The following SLC25A48 variants were observed in gnomAD, a reference collection of about 807,000 sequenced individuals.
SLC25A48 encodes the protein CTC-321K16.1.
A neutral mutation model predicts 32.2 loss-of-function variants in SLC25A48; 29 were observed. That is an observed-to-expected ratio of 0.90 (90% confidence interval 0.67 to 1.23). SLC25A48 has a LOEUF of 1.23. SLC25A48 is among the 50% of genes most tolerant of loss of function. The pLI is 0.00. For missense variants in SLC25A48, 399 were observed against 422.7 expected (o/e 0.94, Z 0.49); for synonymous variants, 164 against 172.3 (o/e 0.95, Z 0.38).
chr5:135,824,170 C>T (rs1002425287), intron 4 of SLC25A48, among the ~76,000 whole-genome samples: 8 of 152,132 alleles, frequency 5.3e-5, no homozygotes, highest in South Asian at 2.1e-4. Context: ...TTGGCACAGG[C>T]TCTAAGGGAA....
chr5:135,785,780 G>C (rs1191075506), intron 3 of SLC25A48, among the ~76,000 whole-genome samples: 1 of 145,332 alleles, frequency 6.9e-6, no homozygotes, highest in Non-Finnish European at 1.5e-5. Flanking sequence ...CCCATGGATC[G>C]TAATATCCAG....
chr5:135,865,656 T>A (rs1761130600), intron 4 of SLC25A48, among the ~76,000 whole-genome samples: 1 of 152,100 alleles, frequency 6.6e-6, no homozygotes, highest in Admixed American at 6.6e-5. Context: ...TAGTGTATGA[T>A]TCCTGTCATC....
At chr5:135,841,694 C>T (rs1289165748) in intron 1 of SLC25A48, among the ~76,000 whole-genome samples, 1 of 150,670 alleles carries the variant, frequency 6.6e-6, no homozygotes, top group Non-Finnish European at 1.5e-5. Flanking sequence ...AGAGGAGTCA[C>T]TAGGAGATGT....
At chr5:135,642,643 T>C (rs1487463016) in intron 3 of SLC25A48, among the ~76,000 whole-genome samples, 1 of 152,272 alleles carries the variant, frequency 6.6e-6, no homozygotes, top group Non-Finnish European at 1.5e-5. Context: ...AATAGCTCTT[T>C]CTCTGTTGGC....
chr5:135,887,879 A>G (rs983953382), intron 7 of SLC25A48, among the ~76,000 whole-genome samples, 153 bp from the exon 8 acceptor site: 9 of 151,918 alleles, frequency 5.9e-5, no homozygotes, highest in African/African-American at 2.2e-4. Context: ...CCTACTTTGC[A>G]CAGCTTCCAC....
chr5:135,650,985 A>G (rs533922661), intron 3 of SLC25A48, among the ~76,000 whole-genome samples: 6 of 152,206 alleles, frequency 3.9e-5, no homozygotes, highest in East Asian at 1.9e-4. Flanking sequence ...CCAGTTATCA[A>G]TATATTGCCT....
At chr5:135,711,694 T>C (rs1754668578) in intron 3 of SLC25A48, among the ~76,000 whole-genome samples, 1 of 152,214 alleles carries the variant, frequency 6.6e-6, no homozygotes, top group African/African-American at 2.4e-5. Context: ...CCAAAGTCTT[T>C]CCAGCGCATT....
chr5:135,583,922 C>T (rs529772859), intron 1 of SLC25A48, among the ~76,000 whole-genome samples: 33 of 152,216 alleles, frequency 2.2e-4, no homozygotes, highest in Non-Finnish European at 4.3e-4. Flanking sequence ...GCATGCTGAC[C>T]CCTTCCCTGG....
chr5:135,628,155 G>T (rs1252699634), intron 1 of SLC25A48, among the ~76,000 whole-genome samples: 1 of 152,182 alleles, frequency 6.6e-6, no homozygotes, highest in South Asian at 2.1e-4. Flanking sequence ...GGAGGTGCTT[G>T]TAGGGGTGAT....
Position 135,653,932 on chromosome 5 carries a change from C to A in SLC25A48, c.-521+18976C>A, listed in dbSNP as rs1249160470. ...GGGTTCTCATAGGGAATGTTGTTCTCTCTGGGGCTGGGAAGCTTTGGATGG... is the reference window on the plus strand; with the variant it reads ...GGGTTCTCATAGGGAATGTTGTTCTATCTGGGGCTGGGAAGCTTTGGATGG... On this transcript the variant is annotated intron_variant, in intron 3 of 10. Transcript: ENST00000646290. 11 of 456,094 alleles carry A rather than the reference C, an allele frequency of 2.4e-5. No individual in the cohort carries two copies. In the Admixed American group the frequency reaches 2.6e-4, roughly 11 times the overall value. 28.3% of individuals were successfully genotyped at this position (456,094 alleles called of 1,614,324 possible).
chr5:135,778,511 C>A (rs977705359), intron 3 of SLC25A48, among the ~76,000 whole-genome samples: 1 of 151,412 alleles, frequency 6.6e-6, no homozygotes, highest in Non-Finnish European at 1.5e-5. Context: ...GATGATATTA[C>A]TCCCAATGTC....
intron 2 of SLC25A48, among the ~76,000 whole-genome samples, chr5:135,631,265 C>T (rs1054312157): frequency 6.6e-6 from 1 of 152,160 alleles, no homozygotes; most frequent in Non-Finnish European, 1.5e-5. Context: ...GTAAGAGGGG[C>T]TTCTTCATTC....
chr5:135,861,653 T>C (rs964117364), intron 4 of SLC25A48, among the ~76,000 whole-genome samples: 2 of 152,216 alleles, frequency 1.3e-5, no homozygotes, highest in African/African-American at 4.8e-5. Flanking sequence ...TTACAGTTTT[T>C]CCTCTTTTAA....
intron 1 of SLC25A48, among the ~76,000 whole-genome samples, chr5:135,841,452 C>T (rs373958493): frequency 5.3e-5 from 8 of 152,254 alleles, no homozygotes; most frequent in African/African-American, 1.9e-4. Flanking sequence ...CTGTTTAGCT[C>T]CTACTGGGCT....
chr5:135,795,312 C>G (rs1429466881), intron 3 of SLC25A48, among the ~76,000 whole-genome samples: 1 of 151,834 alleles, frequency 6.6e-6, no homozygotes, highest in Non-Finnish European at 1.5e-5. Context: ...TGATATTACT[C>G]TCAATATCAC....
At chr5:135,680,478 A>C (rs1034283047) in intron 3 of SLC25A48, among the ~76,000 whole-genome samples, 3 of 152,210 alleles carry the variant, frequency 2.0e-5, no homozygotes, top group African/African-American at 7.2e-5. Context: ...GTCTGTTTTC[A>C]TACTGCTTTG....
chr5:135,830,624 C>T (rs1283523658), upstream of SLC25A48, among the ~76,000 whole-genome samples: 2 of 152,218 alleles, frequency 1.3e-5, no homozygotes, highest in Non-Finnish European at 1.5e-5. Flanking sequence ...GGAAGAAATC[C>T]TGCTCCCAAT....
chr5:135,667,245 A>T (rs1388793604), intron 3 of SLC25A48, among the ~76,000 whole-genome samples: 1 of 152,138 alleles, frequency 6.6e-6, no homozygotes, highest in African/African-American at 2.4e-5. Context: ...GTGAAATGGG[A>T]TATACAAAAT....
intron 2 of SLC25A48, among the ~76,000 whole-genome samples, chr5:135,848,915 C>G (rs1363420934): frequency 6.6e-6 from 1 of 152,198 alleles, no homozygotes; most frequent in Non-Finnish European, 1.5e-5. Context: ...GTCATAAACT[C>G]AGGAGAGGAG....
Sources: allele counts gnomAD v4.1 joint callset (sites outside exome capture counted in the v4.1 genomes callset), GRCh38; gene constraint gnomAD v4.1.1; transcripts MANE v1.5; gene names NCBI Gene and HGNC (gene_info 2026-07-23, HGNC 2026-07-21).